The following SPOCK3 variants were observed in gnomAD, a reference collection of about 807,000 sequenced individuals.
The protein encoded by SPOCK3 is SPARC (osteonectin), cwcv and kazal like domains proteoglycan 3.
SPOCK3 carries 30 observed loss-of-function variants against 56.6 expected under a neutral mutation model. That is an observed-to-expected ratio of 0.53 (90% CI 0.40 to 0.72). SPOCK3 has a LOEUF of 0.72. SPOCK3 is among the 30% of genes least tolerant of loss of function. The pLI is 0.00. For missense variants in SPOCK3, 527 were observed against 530.0 expected, an observed-to-expected ratio of 0.99 and a Z score of 0.06; for synonymous variants, 196 against 183.3, an observed-to-expected ratio of 1.07 and a Z score of -0.56.
In SPOCK3 at chr4:167,066,923, T is replaced by G. The variant is rs146133747; in HGVS notation, c.190-4386A>C. ...GTACAGGTGAGGTGGGTCGGAAGGA[T>G]AAGCTTACACGGAAAGGTCAACTGT... On this transcript the variant is annotated intron_variant, in intron 2 of 10. Transcript: ENST00000357545. Among the ~76,000 whole-genome samples the G allele has an allele frequency of 4.2e-3, 640 of 151,978 alleles. 2 individuals are homozygous for G. The highest frequency in any genetic ancestry group is 7.6e-3 in the Non-Finnish European group (514 of 67,886).
At chr4:167,024,246 C>T (rs1438926264) in intron 3 of SPOCK3, among the ~76,000 whole-genome samples, 1 of 151,916 alleles carries the variant, frequency 6.6e-6, no homozygotes, top group Non-Finnish European at 1.5e-5. Flanking sequence ...ACAGTCTTTT[C>T]CCTGACGTTT....
intron 5 of SPOCK3, among the ~76,000 whole-genome samples, chr4:166,903,064 T>C (rs1415421654): frequency 6.7e-6 from 1 of 148,564 alleles, no homozygotes; most frequent in East Asian, 1.9e-4. Context: ...TTATTTGTAT[T>C]GTATTAGTGT....
intron 6 of SPOCK3, among the ~76,000 whole-genome samples, chr4:166,814,172 C>T (rs1390559645): frequency 6.6e-6 from 1 of 152,032 alleles, no homozygotes; most frequent in Non-Finnish European, 1.5e-5. Context: ...CAAACAACGG[C>T]AATTTTGTGA....
At chr4:167,144,203 A>G (rs1467530668) in intron 2 of SPOCK3, among the ~76,000 whole-genome samples, 4 of 152,018 alleles carry the variant, frequency 2.6e-5, no homozygotes, top group Admixed American at 1.3e-4. Context: ...GAACTATCAT[A>G]AACAGTCTAT....
At chr4:166,777,105 C>CAA (rs1175686704) in intron 7 of SPOCK3, among the ~76,000 whole-genome samples, 7 of 151,996 alleles carry the variant, frequency 4.6e-5, no homozygotes, top group Admixed American at 4.6e-4. Flanking sequence ...TGTAAGCAAA[C>CAA]AAAACACAGG....
chr4:166,851,114 G>A (rs1377645123), intron 6 of SPOCK3, among the ~76,000 whole-genome samples: 1 of 151,914 alleles, frequency 6.6e-6, no homozygotes, highest in East Asian at 1.9e-4. Context: ...CACGCAGCTG[G>A]AGATCTGAGA....
chr4:166,766,758 G>A (rs914666861), intron 7 of SPOCK3, among the ~76,000 whole-genome samples: 2 of 152,144 alleles, frequency 1.3e-5, no homozygotes, highest in East Asian at 3.8e-4. Flanking sequence ...GTTTCAGAAG[G>A]AATGGTACCA....
rs1735911886 is a variant in SPOCK3 at position 166,748,236 on chromosome 4, T to C, written c.932-6177A>G. Among the ~76,000 whole-genome samples, 2 of 137,124 alleles carry C rather than the reference T, an allele frequency of 1.5e-5. 1 individual carries two copies. Among genetic ancestry groups the C allele is most frequent in the African/African-American group, 6.2e-5 (2 of 32,140 alleles). 90.0% of individuals were successfully genotyped at this position (137,124 alleles called of 152,430 possible). On this transcript the variant is annotated intron_variant, in intron 8 of 10. Transcript: ENST00000357545. ...CATCATGCTACCTGACTTCAAACTA[T>C]ACTACAAGGCTATGGTAACCAAAAC...
At chr4:167,182,522 T>A (rs1197927319) in intron 2 of SPOCK3, among the ~76,000 whole-genome samples, 1 of 151,122 alleles carries the variant, frequency 6.6e-6, no homozygotes, top group African/African-American at 2.4e-5. Flanking sequence ...ACCTGACAAG[T>A]GTTCGCAAAG....
At chr4:166,843,042 C>T (rs776388198) in intron 6 of SPOCK3, among the ~76,000 whole-genome samples, 33 of 152,326 alleles carry the variant, frequency 2.2e-4, no homozygotes, top group African/African-American at 3.6e-4. Flanking sequence ...GGGGGCCTGG[C>T]GCACCCTCCG....
At chr4:166,745,554 T>C (rs1274501469) in intron 8 of SPOCK3, among the ~76,000 whole-genome samples, 1 of 152,122 alleles carries the variant, frequency 6.6e-6, no homozygotes, top group Non-Finnish European at 1.5e-5. Context: ...GTAAAGACCA[T>C]TGACACTAGG....
intron 4 of SPOCK3, among the ~76,000 whole-genome samples, chr4:166,962,031 T>TAAGAAGGAA (rs1744198775): frequency 3.9e-5 from 6 of 152,114 alleles, no homozygotes; most frequent in Admixed American, 6.6e-5. Context: ...TTGGATTCCC[T>TAAGAAGGAA]GCTGTCCCCC....
intron 2 of SPOCK3, among the ~76,000 whole-genome samples, chr4:167,207,191 A>G (rs1213233663): frequency 6.6e-6 from 1 of 152,078 alleles, no homozygotes; most frequent in East Asian, 1.9e-4. Flanking sequence ...CATAGGTAAT[A>G]AGTATTGACA....
At chr4:167,212,725 C>A (rs1164989558) in intron 2 of SPOCK3, among the ~76,000 whole-genome samples, 7 of 152,126 alleles carry the variant, frequency 4.6e-5, no homozygotes, top group Non-Finnish European at 1.0e-4. Context: ...TCTCCACCCA[C>A]TACATCATAA....
At chr4:166,936,095 TTTTA>T (rs918611886) in intron 4 of SPOCK3, among the ~76,000 whole-genome samples, 12 of 152,224 alleles carry the variant, frequency 7.9e-5, no homozygotes, top group African/African-American at 2.2e-4. Flanking sequence ...AGATTATAAG[TTTTA>T]TTTCTTTTAT....
intron 6 of SPOCK3, among the ~76,000 whole-genome samples, chr4:166,821,293 G>A (rs992426197): frequency 6.6e-6 from 1 of 151,950 alleles, no homozygotes; most frequent in Admixed American, 6.6e-5. Context: ...AATTTGTTAC[G>A]GAGCATACAA....
At chr4:166,964,057 T>C (rs1744439100) in intron 4 of SPOCK3, among the ~76,000 whole-genome samples, 1 of 151,742 alleles carries the variant, frequency 6.6e-6, no homozygotes, top group African/African-American at 2.4e-5. Context: ...TTATACTCTA[T>C]ATAAGATTGT....
At chr4:167,064,586 TG>T (rs1245249891) in intron 2 of SPOCK3, among the ~76,000 whole-genome samples, 3 of 151,714 alleles carry the variant, frequency 2.0e-5, no homozygotes, top group African/African-American at 7.3e-5. Flanking sequence ...ATTCCAAGCA[TG>T]GGGAGGAATT....
intron 6 of SPOCK3, among the ~76,000 whole-genome samples, chr4:166,849,145 C>T (rs1380197958): frequency 6.6e-6 from 1 of 152,110 alleles, no homozygotes; most frequent in Non-Finnish European, 1.5e-5. Flanking sequence ...TATAGTCTTT[C>T]AAGTAGGTTA....
Sources: gnomAD v4.1 joint callset for allele counts (sites outside exome capture counted in the v4.1 genomes callset) on GRCh38, gnomAD v4.1.1 for gene constraint, MANE v1.5 for transcripts, NCBI Gene and HGNC (gene_info 2026-07-23, HGNC 2026-07-21) for gene names.